Variants in NAV3 observed in about 807,000 individuals in gnomAD.
NAV3 encodes the protein neuron navigator 3.
A neutral mutation model predicts 244.7 loss-of-function variants in NAV3; 87 were observed. That is an observed-to-expected ratio of 0.36 (90% CI 0.30 to 0.42). The LOEUF (loss-of-function observed/expected upper bound fraction) is 0.42, where lower values mean the gene tolerates loss of function less well. NAV3 is among the 20% of genes least tolerant of loss of function. The pLI is 1.00. For missense variants in NAV3, 2,663 were observed against 2,893.3 expected, an observed-to-expected ratio of 0.92 and a Z score of 1.83; for synonymous variants, 1,126 against 1,042.2, an observed-to-expected ratio of 1.08 and a Z score of -1.55.
intron 9 of NAV3, among the ~76,000 whole-genome samples, chr12:78,045,319 A>G (rs1377424484): frequency 6.6e-6 from 1 of 151,984 alleles, no homozygotes; most frequent in African/African-American, 2.4e-5. Context: ...TTGTTGAGGC[A>G]GAGTCTTGCT....
chr12:77,726,656 G>A (rs1876892486), intron 2 of NAV3, among the ~76,000 whole-genome samples: 1 of 151,952 alleles, frequency 6.6e-6, no homozygotes, highest in African/African-American at 2.4e-5. Flanking sequence ...GGTCTGGAGG[G>A]TGGAGATATT....
rs550197532 is a variant in NAV3, at chr12:78,159,594, AG to A, written c.4869+310del. On this transcript the variant is annotated intron_variant, in intron 23 of 39. Transcript: ENST00000397909. ...TGAGGCAGGAGAATCACTTGAACCC[AG>A]GAGGCAGAGGACGCAGTGAGCCAAG... Among the ~76,000 whole-genome samples, 480 of 152,186 alleles carry A rather than the reference AG, an allele frequency of 3.2e-3. 3 individuals are homozygous for A. The highest frequency in any genetic ancestry group is 0.011 in the African/African-American group (441 of 41,542).
intron 2 of NAV3, among the ~76,000 whole-genome samples, chr12:77,651,383 T>G (rs1872814867): frequency 6.6e-6 from 1 of 152,216 alleles, no homozygotes; most frequent in Admixed American, 6.5e-5. Context: ...ATTTTGTTGT[T>G]GATTTAGCTT....
At position 78,181,053 on chromosome 12, in the gene NAV3, A is replaced by G. The variant is rs1958476391; in HGVS notation, c.5692+8A>G. ...CAGAGGCTGTTAGCTCAGGTGATTT[A>G]GTGCACATGCTTGCCTGAATCACAG... is the stretch of plus-strand genomic sequence containing the variant. On this transcript the variant is annotated splice_region_variant and intron_variant, in intron 30 of 39. Coordinates refer to ENST00000397909, the MANE Select transcript of NAV3 (RefSeq NM_001024383.2). The G allele has an allele frequency of 1.2e-6, 2 of 1,612,234 alleles. No homozygotes were observed. The highest frequency in any genetic ancestry group is 1.7e-5 in the Admixed American group (1 of 59,894).
intron 2 of NAV3, among the ~76,000 whole-genome samples, chr12:77,809,463 G>A (rs1045074921): frequency 6.6e-6 from 1 of 152,132 alleles, no homozygotes; most frequent in Non-Finnish European, 1.5e-5. Flanking sequence ...GTGAGGTGAC[G>A]CCCCACCCAG....
intron 2 of NAV3, 75 bp from the exon 3 acceptor site, chr12:77,941,006 C>T (rs1212237863): frequency 2.4e-5 from 22 of 924,568 alleles, no homozygotes; most frequent in South Asian, 2.9e-5. Flanking sequence ...TTCCTGTTTT[C>T]GTGTGTGTGT....
At chr12:78,037,310 G>T (rs1289699165) in intron 9 of NAV3, 2 of 702,868 alleles carry the variant, frequency 2.8e-6, no homozygotes, top group East Asian at 5.4e-5. Context: ...TGCGGGAAGG[G>T]ACAGCTCATC....
At chr12:78,095,102 C>CATAT (rs1321371982) in intron 12 of NAV3, among the ~76,000 whole-genome samples, 4 of 147,816 alleles carry the variant, frequency 2.7e-5, no homozygotes, top group African/African-American at 1.0e-4. Context: ...TATATATACA[C>CATAT]ATATATATAT....
At chr12:77,827,670 A>C (rs963434334), upstream of NAV3, among the ~76,000 whole-genome samples, 1 of 152,182 alleles carries the variant, frequency 6.6e-6, no homozygotes, top group Non-Finnish European at 1.5e-5. Context: ...TCTAATTCTC[A>C]TGACTGTATT....
intron 2 of NAV3, among the ~76,000 whole-genome samples, chr12:77,661,853 G>A (rs1873464874): frequency 6.6e-6 from 1 of 151,952 alleles, no homozygotes; most frequent in Non-Finnish European, 1.5e-5. Flanking sequence ...TTTATAAAAT[G>A]TGAATATATT....
At chr12:77,921,149 T>C (rs1453295703) in intron 1 of NAV3, among the ~76,000 whole-genome samples, 1 of 152,052 alleles carries the variant, frequency 6.6e-6, no homozygotes, top group Non-Finnish European at 1.5e-5. Flanking sequence ...CTAGGGTAAC[T>C]ATTTTGAGGA....
chr12:77,791,450 C>T (rs1871171051), intron 2 of NAV3, among the ~76,000 whole-genome samples: 1 of 151,972 alleles, frequency 6.6e-6, no homozygotes, highest in Non-Finnish European at 1.5e-5. Flanking sequence ...AGGGCATTTT[C>T]CTGGCTTTAT....
At chr12:77,753,983 C>T (rs1868994410) in intron 2 of NAV3, among the ~76,000 whole-genome samples, 1 of 152,100 alleles carries the variant, frequency 6.6e-6, no homozygotes, top group Non-Finnish European at 1.5e-5. Flanking sequence ...TGACTGTTAT[C>T]TTGAGTCTTG....
intron 1 of NAV3, among the ~76,000 whole-genome samples, chr12:77,892,233 A>C (rs1884020639): frequency 6.6e-6 from 1 of 152,180 alleles, no homozygotes; most frequent in East Asian, 1.9e-4. Flanking sequence ...AAGATGTTGA[A>C]GTTGTAAGAC....
rs773651373 is a variant in NAV3 at position 77,994,829 on chromosome 12, C to T, written c.698C>T (p.Ser233Phe). The stretch of plus-strand genomic sequence containing the variant: ...CTGGCAGCCAGATATGCAACTCAGT[C>T]TAATCACAGTGGAATTGCAACCAGT... ...SSLAARYATQ[S>F]NHSGIATSQK... The change falls in exon 6 of 40, where the codon TCT (serine) becomes TTT (phenylalanine). Residue 233 changes from serine (S) to phenylalanine (F), a missense_variant. Physicochemically the swap from Ser to Phe is radical, Grantham distance 155. Transcript: ENST00000397909. 1 of 1,610,788 alleles carries T rather than the reference C, an allele frequency of 6.2e-7. No homozygotes were observed. Among genetic ancestry groups the T allele is most frequent in the Non-Finnish European group, 8.5e-7 (1 of 1,178,344 alleles).
intron 3 of NAV3, among the ~76,000 whole-genome samples, chr12:77,960,546 T>G (rs1443551457): frequency 6.7e-6 from 1 of 149,310 alleles, no homozygotes; most frequent in Admixed American, 6.7e-5. Flanking sequence ...GTAACACATA[T>G]GATATAGACT....
At position 77,642,203 on chromosome 12, in the gene NAV3, G is replaced by A. The variant is rs1872444930; in HGVS notation, c.72+69937G>A. On this transcript the variant is annotated intron_variant, in intron 2 of 8. Coordinates refer to the NAV3 transcript ENST00000550042. ...AATCTTTTATTTGATGGTGTTTCCAGTAAACAAAATCTCCAGGTTGGAAGC... is the reference window on the plus strand; with the variant it reads ...AATCTTTTATTTGATGGTGTTTCCAATAAACAAAATCTCCAGGTTGGAAGC... 2.0e-5 allele frequency among the ~76,000 whole-genome samples: 3 copies of A among 152,066 alleles called. No homozygotes were observed. In the South Asian group the frequency reaches 6.2e-4, roughly 31 times the overall value.
At chr12:77,720,002 T>C (rs2137289285) in intron 2 of NAV3, among the ~76,000 whole-genome samples, 1 of 152,302 alleles carries the variant, frequency 6.6e-6, no homozygotes, top group Admixed American at 6.5e-5. Context: ...GTTTGGATTT[T>C]CTATTTCTTT....
At chr12:78,098,318 C>T (rs1225132874) in intron 12 of NAV3, among the ~76,000 whole-genome samples, 1 of 151,888 alleles carries the variant, frequency 6.6e-6, no homozygotes, top group Non-Finnish European at 1.5e-5. Flanking sequence ...AAGTTGTAGG[C>T]TGTCTTTAAA....
Sources: allele counts gnomAD v4.1 joint callset (sites outside exome capture counted in the v4.1 genomes callset), GRCh38; gene constraint gnomAD v4.1.1; transcripts MANE v1.5; gene names NCBI Gene and HGNC (gene_info 2026-07-23, HGNC 2026-07-21).